HTR1F: variants seen among roughly 807,000 people sequenced by gnomAD.
HTR1F encodes 5-hydroxytryptamine (serotonin) receptor 1F, G protein-coupled.
In HTR1F, 17 loss-of-function variants were observed where a neutral mutation model predicts 24.0. The observed-to-expected ratio is 0.71, with a 90% confidence interval of 0.48 to 1.06. The LOEUF (loss-of-function observed/expected upper bound fraction) is 1.06, where lower values mean the gene tolerates loss of function less well. Ranked by LOEUF, HTR1F falls within the 50% of genes least tolerant of loss-of-function variation. HTR1F has a pLI of 0.00. For missense variants in HTR1F, 391 were observed against 427.8 expected (o/e 0.91, Z 0.76); for synonymous variants, 186 against 156.8 (o/e 1.19, Z -1.39).
intron 2 of HTR1F, among the ~76,000 whole-genome samples, chr3:87,891,529 A>G (rs146703122): frequency 6.6e-6 from 1 of 152,290 alleles, no homozygotes; most frequent in East Asian, 1.9e-4. Context: ...TCTTATAACA[A>G]TGGAACTTTT....
intron 1 of HTR1F, among the ~76,000 whole-genome samples, chr3:87,795,485 CT>C (rs921487280): frequency 6.6e-6 from 1 of 151,998 alleles, no homozygotes; most frequent in Non-Finnish European, 1.5e-5. Context: ...GCAGGATTCT[CT>C]TTTTTTTCCA....
At chr3:87,977,305 G>A (rs1705415906) in intron 2 of HTR1F, among the ~76,000 whole-genome samples, 1 of 151,666 alleles carries the variant, frequency 6.6e-6, no homozygotes, top group African/African-American at 2.4e-5. Flanking sequence ...TTAGAAGCCA[G>A]GTACCTAACA....
chr3:87,909,341 A>G (rs1381294903), intron 2 of HTR1F, among the ~76,000 whole-genome samples: 1 of 152,100 alleles, frequency 6.6e-6, no homozygotes, highest in Non-Finnish European at 1.5e-5. Context: ...GTGCTTCAGT[A>G]TACCTCTGGT....
intron 2 of HTR1F, among the ~76,000 whole-genome samples, chr3:87,902,197 T>A (rs1706338711): frequency 6.6e-6 from 1 of 152,172 alleles, no homozygotes; most frequent in Non-Finnish European, 1.5e-5. Context: ...TAGTTAAGAT[T>A]AGTGGTGGTG....
chr3:87,841,814 C>T (rs543364756), intron 2 of HTR1F, among the ~76,000 whole-genome samples: 2 of 147,872 alleles, frequency 1.4e-5, no homozygotes, highest in East Asian at 2.1e-4. Context: ...GCAGAAGAAT[C>T]GCTTGAACCC....
At chr3:87,880,378 CTT>C (rs1047022881) in intron 2 of HTR1F, among the ~76,000 whole-genome samples, 4 of 151,886 alleles carry the variant, frequency 2.6e-5, no homozygotes, top group Non-Finnish European at 5.9e-5. Context: ...TTAATCAGCT[CTT>C]TAAAAGACAT....
In HTR1F at chr3:87,990,872, C is replaced by A; in HGVS notation, c.123C>A (p.Asn41Lys). The A allele has an allele frequency of 6.2e-7, 1 of 1,614,202 alleles. No individual in the cohort carries two copies. The highest frequency in any genetic ancestry group is 8.5e-7 in the Non-Finnish European group (1 of 1,180,032). ...SGLALMTTTI[N>K]SLVIAAIIVT... ...TGGCACTGATGACAACAACTATCAA[C>A]TCCCTTGTGATCGCTGCAATTATTG... Residue 41 changes from asparagine (N) to lysine (K), a missense_variant, in exon 3 of 3, where the codon AAC (asparagine) becomes AAA (lysine). Asn to Lys is a moderately conservative substitution (Grantham distance 94, BLOSUM62 0). Transcript: ENST00000319595.
chr3:87,991,188 G>A lies in HTR1F; in HGVS notation c.439G>A (p.Val147Ile), dbSNP rs544423776. 1.2e-5 allele frequency: 19 copies of A among 1,613,998 alleles called. No individual in the cohort carries two copies. The South Asian group carries it at 1.8e-4, about 15-fold the overall frequency. Residue 147 changes from valine to isoleucine, a missense_variant, in exon 3 of 3, where the codon GTT (valine) becomes ATT (isoleucine). By Grantham distance (29) the Val-to-Ile change is conservative. Transcript: ENST00000319595. ...PKHAGIMITI[V>I]WIISVFISMP... ...GCATGCTGGCATTATGATTACAATAGTTTGGATTATATCTGTTTTTATCTC... is the reference window on the plus strand; with the variant it reads ...GCATGCTGGCATTATGATTACAATAATTTGGATTATATCTGTTTTTATCTC...
chr3:87,963,184 C>T (rs1281190322), intron 2 of HTR1F, among the ~76,000 whole-genome samples: 1 of 151,990 alleles, frequency 6.6e-6, no homozygotes, highest in Non-Finnish European at 1.5e-5. Flanking sequence ...TGGACTTCTT[C>T]TTTATTGAAG....
chr3:87,939,733 G>A (rs377389319), intron 2 of HTR1F, among the ~76,000 whole-genome samples: 16 of 152,192 alleles, frequency 1.1e-4, no homozygotes, highest in African/African-American at 3.9e-4. Context: ...TTTTTATTGT[G>A]TCTAATTGAT....
intron 2 of HTR1F, among the ~76,000 whole-genome samples, chr3:87,905,549 C>A (rs1330475469): frequency 6.6e-6 from 1 of 152,028 alleles, no homozygotes; most frequent in East Asian, 1.9e-4. Flanking sequence ...GCTATCATAA[C>A]AAATTGCAGA....
chr3:87,971,929 A>T (rs1475562849), intron 2 of HTR1F, among the ~76,000 whole-genome samples: 2 of 152,208 alleles, frequency 1.3e-5, no homozygotes, highest in African/African-American at 2.4e-5. Flanking sequence ...AAATATACTT[A>T]TAGGGGAAGT....
chr3:87,983,854 T>C (rs771008770), intron 2 of HTR1F, among the ~76,000 whole-genome samples: 1 of 152,242 alleles, frequency 6.6e-6, no homozygotes, highest in Non-Finnish European at 1.5e-5. Context: ...AAGCATTCTT[T>C]AATCTTTTTG....
At chr3:87,876,609 A>T (rs747698063) in intron 2 of HTR1F, among the ~76,000 whole-genome samples, 1 of 152,208 alleles carries the variant, frequency 6.6e-6, no homozygotes, top group Non-Finnish European at 1.5e-5. Context: ...GCATGGTTCC[A>T]CTTATAGGCG....
chr3:87,841,900 CAAAAAAAAAAAAAAAAGAAAAAGA>C (rs1379744957), intron 2 of HTR1F, among the ~76,000 whole-genome samples: 3 of 57,486 alleles, frequency 5.2e-5, no homozygotes, highest in African/African-American at 1.7e-4. Context: ...GATTCTGTCT[CAAAAAAAAAAAAAAAAGAAAAAGA>C]AAAAAAAAAA....
In HTR1F at chr3:87,896,921, G is replaced by A. The variant is rs113378873; in HGVS notation, c.-43+74797G>A. Among the ~76,000 whole-genome samples, 79 of 152,268 alleles carry A rather than the reference G, an allele frequency of 5.2e-4. 2 individuals are homozygous for A. Among genetic ancestry groups the A allele is most frequent in the African/African-American group, 1.9e-3 (78 of 41,574 alleles). On this transcript the variant is annotated intron_variant, in intron 2 of 2. Transcript: ENST00000319595. ...AAAGACAAGAGATACATGTCGGTGAGAGTGTGGAGAAAAGGGAACCCTTGT... is the reference window on the plus strand; with the variant it reads ...AAAGACAAGAGATACATGTCGGTGAAAGTGTGGAGAAAAGGGAACCCTTGT...
intron 2 of HTR1F, among the ~76,000 whole-genome samples, chr3:87,983,500 T>A (rs1705597024): frequency 2.6e-5 from 4 of 152,142 alleles, no homozygotes; most frequent in Admixed American, 2.6e-4. Flanking sequence ...TGCAATCTCA[T>A]CTTTTTGTCA....
chr3:87,932,511 T>C (rs1704304558), intron 2 of HTR1F, among the ~76,000 whole-genome samples: 1 of 152,170 alleles, frequency 6.6e-6, no homozygotes, highest in African/African-American at 2.4e-5. Context: ...TGGCTTAGGA[T>C]TGACTTGGCA....
intron 2 of HTR1F, among the ~76,000 whole-genome samples, chr3:87,906,904 T>C: frequency 6.6e-6 from 1 of 152,118 alleles, no homozygotes. Context: ...CCATGGTATA[T>C]ATACACCACA....
Sources: allele counts gnomAD v4.1 joint callset (sites outside exome capture counted in the v4.1 genomes callset), GRCh38; gene constraint gnomAD v4.1.1; transcripts MANE v1.5; gene names NCBI Gene and HGNC (gene_info 2026-07-23, HGNC 2026-07-21).